TRAK2: variants seen among roughly 807,000 people sequenced by gnomAD.
TRAK2 encodes trafficking kinesin-binding protein 2.
Under a neutral mutation model 104.6 loss-of-function variants are expected in TRAK2, and 81 were observed. The ratio of observed to expected loss-of-function variants is 0.77; its 90% CI spans 0.65 to 0.93. The LOEUF (loss-of-function observed/expected upper bound fraction) is 0.93, where lower values mean the gene tolerates loss of function less well. Ranked by LOEUF, TRAK2 falls within the 40% of genes least tolerant of loss-of-function variation. TRAK2 has a pLI of 0.00. For missense variants in TRAK2, 1,002 were observed against 1,089.0 expected (o/e 0.92, Z 1.12); for synonymous variants, 406 against 394.4 (o/e 1.03, Z -0.35).
At chr2:201,414,660 A>C (rs987433949) in intron 2 of TRAK2, among the ~76,000 whole-genome samples, 3 of 152,188 alleles carry the variant, frequency 2.0e-5, no homozygotes, top group African/African-American at 7.2e-5. Flanking sequence ...ATCCTTACAG[A>C]TCTCTTAAAT....
intron 1 of TRAK2, among the ~76,000 whole-genome samples, chr2:201,436,621 G>A (rs1459101128): frequency 2.0e-5 from 3 of 152,180 alleles, no homozygotes; most frequent in Admixed American, 6.6e-5. Context: ...TCAAGAAGAG[G>A]TAGAAAATCT....
intron 1 of TRAK2, among the ~76,000 whole-genome samples, chr2:201,450,068 A>G (rs1952012514): frequency 6.6e-6 from 1 of 151,986 alleles, no homozygotes; most frequent in Non-Finnish European, 1.5e-5. Flanking sequence ...TGTCTTTCAC[A>G]TGGTATGTGC....
Position 201,380,339 on chromosome 2 carries a change from G to A in TRAK2, c.*204C>T, listed in dbSNP as rs919493037. ...TCTTTTCTCCCTCTGAACACTCATG[G>A]CCCATTCATTTATACTTTCAATTTG... On this transcript the variant is annotated 3_prime_UTR_variant, in exon 16 of 16. Coordinates refer to ENST00000332624, the MANE Select transcript of TRAK2 (RefSeq NM_015049.3). The A allele has an allele frequency of 3.3e-5, 20 of 608,976 alleles. No individual in the cohort carries two copies. The highest frequency in any genetic ancestry group is 5.8e-5 in the Non-Finnish European group (20 of 345,994). The allele number at this position is 608,976 out of a possible 1,614,324, so 37.7% of individuals were successfully genotyped here.
chr2:201,406,667 A>C (rs1349998492), intron 3 of TRAK2, among the ~76,000 whole-genome samples: 1 of 152,234 alleles, frequency 6.6e-6, no homozygotes, highest in Non-Finnish European at 1.5e-5. Flanking sequence ...TCAGTATTGA[A>C]CTCATAAGCT....
At chr2:201,406,380 C>T (rs1052246248) in intron 3 of TRAK2, among the ~76,000 whole-genome samples, 1 of 152,112 alleles carries the variant, frequency 6.6e-6, no homozygotes, top group Non-Finnish European at 1.5e-5. Context: ...CATTAAAACA[C>T]CACAACACTC....
chr2:201,430,956 C>T (rs1465319271), intron 1 of TRAK2, among the ~76,000 whole-genome samples: 2 of 152,216 alleles, frequency 1.3e-5, no homozygotes, highest in East Asian at 3.9e-4. Context: ...CATCTTGGAA[C>T]CCCTCCCTGT....
rs1322993767 is a variant in TRAK2, at chr2:201,393,053, G to T, written c.976-7C>A. 1 of 1,607,858 alleles carries T rather than the reference G, an allele frequency of 6.2e-7. No individual in the cohort carries two copies. The highest frequency in any genetic ancestry group is 1.3e-5 in the African/African-American group (1 of 74,816). On this transcript the variant is annotated splice_region_variant and splice_polypyrimidine_tract_variant and intron_variant, in intron 9 of 15. Coordinates refer to ENST00000332624, the MANE Select transcript of TRAK2 (RefSeq NM_015049.3). ...TGTCTTGTAACTCGTGCAGCTAAAAGAAAGGATGGTAGTGTACTTTATTGC... is the reference window on the plus strand; with the variant it reads ...TGTCTTGTAACTCGTGCAGCTAAAATAAAGGATGGTAGTGTACTTTATTGC...
chr2:201,414,536 G>A (rs1415596035), intron 2 of TRAK2, among the ~76,000 whole-genome samples: 3 of 152,172 alleles, frequency 2.0e-5, no homozygotes, highest in Non-Finnish European at 4.4e-5. Flanking sequence ...AAAGGAGGCT[G>A]GCAATATCAG....
intron 2 of TRAK2, among the ~76,000 whole-genome samples, chr2:201,408,221 ATGAG>A (rs1184659009): frequency 1.3e-5 from 2 of 152,300 alleles, no homozygotes; most frequent in East Asian, 1.9e-4. Flanking sequence ...CAGCTTCCAC[ATGAG>A]TGAGAACATG....
intron 1 of TRAK2, among the ~76,000 whole-genome samples, chr2:201,437,482 T>C (rs1951887530): frequency 6.6e-6 from 1 of 152,208 alleles, no homozygotes; most frequent in Non-Finnish European, 1.5e-5. Flanking sequence ...ATCATTACCA[T>C]AAATCCACCA....
Position 201,393,530 on chromosome 2 carries a change from C to T in TRAK2, c.976-484G>A, listed in dbSNP as rs185761338. ...CCTTGTTTCAGAACCTTCTTTACAA[C>T]TAGATATACACATCTGATAAAAGAG... is the stretch of plus-strand genomic sequence containing the variant. On this transcript the variant is annotated intron_variant, in intron 9 of 15. Coordinates refer to ENST00000332624, the MANE Select transcript of TRAK2 (RefSeq NM_015049.3). Among the ~76,000 whole-genome samples, 195 of 152,294 alleles carry T rather than the reference C, an allele frequency of 1.3e-3. 1 individual carries two copies. The highest frequency in any genetic ancestry group is 4.5e-3 in the African/African-American group (188 of 41,570).
intron 2 of TRAK2, among the ~76,000 whole-genome samples, chr2:201,416,590 AATTT>A (rs912502754): frequency 3.9e-5 from 6 of 152,134 alleles, no homozygotes; most frequent in African/African-American, 1.2e-4. Flanking sequence ...TTATTTTCAT[AATTT>A]ATTTAATTCA....
At chr2:201,394,348 T>TC (rs1218668511) in intron 9 of TRAK2, among the ~76,000 whole-genome samples, 4 of 60,660 alleles carry the variant, frequency 6.6e-5, no homozygotes, top group Admixed American at 2.0e-4. Context: ...TTTTTCTTTC[T>TC]TTTTTTTTTT....
chr2:201,390,299 C>T (rs1368662132), intron 10 of TRAK2, among the ~76,000 whole-genome samples: 4 of 150,782 alleles, frequency 2.7e-5, no homozygotes, highest in Non-Finnish European at 5.9e-5. Context: ...AATCCCAGCA[C>T]TTTGGGAGGC....
In TRAK2 at chr2:201,386,516, C is replaced by T. The variant is rs374798326; in HGVS notation, c.1697-32G>A. On this transcript the variant is annotated intron_variant, in intron 13 of 15. Transcript: ENST00000332624. ...ATGCAAAACAAAGGAAGGGGAAAGGCATGTTTTACATTTCCCACAAATCTT... is the reference window on the plus strand; with the variant it reads ...ATGCAAAACAAAGGAAGGGGAAAGGTATGTTTTACATTTCCCACAAATCTT... 12 of 1,604,070 alleles carry T rather than the reference C, an allele frequency of 7.5e-6. No individual in the cohort carries two copies. The African/African-American group carries it at 1.3e-4, about 18-fold the overall frequency.
chr2:201,389,417 A>G lies in TRAK2; in HGVS notation c.1280T>C (p.Ile427Thr), dbSNP rs1951423487. Reference protein sequence around the residue: ...RSISFPALLPIPGSNRSSVIM... With the variant: ...RSISFPALLPTPGSNRSSVIM... ...GACACTTGAACGGTTGGAGCCTGGAATGGGTAACAGAGCTGGGAATGAGAT... is the reference window on the plus strand; with the variant it reads ...GACACTTGAACGGTTGGAGCCTGGAGTGGGTAACAGAGCTGGGAATGAGAT... Residue 427 changes from isoleucine to threonine, a missense_variant, in exon 12 of 16, where the codon ATT becomes ACT. Coordinates refer to ENST00000332624, the MANE Select transcript of TRAK2 (RefSeq NM_015049.3). The G allele has an allele frequency of 6.2e-7, 1 of 1,614,014 alleles. No individual in the cohort carries two copies. Among genetic ancestry groups the G allele is most frequent in the Non-Finnish European group, 8.5e-7 (1 of 1,180,030 alleles).
intron 11 of TRAK2, 30 bp downstream of exon 11, chr2:201,389,771 T>A: frequency 6.5e-7 from 1 of 1,545,598 alleles, no homozygotes; most frequent in Non-Finnish European, 8.8e-7. Context: ...TTCCAATGAT[T>A]GAGTAACAAC....
In TRAK2 at chr2:201,380,857, A is replaced by C; in HGVS notation, c.2431T>G (p.Phe811Val). 1 of 1,614,088 alleles carries C rather than the reference A, an allele frequency of 6.2e-7. No homozygotes were observed. Residue 811 changes from phenylalanine to valine, a missense_variant, in exon 16 of 16, where the codon TTC (phenylalanine) becomes GTC (valine). By Grantham distance (50) the Phe-to-Val change is conservative. Coordinates refer to ENST00000332624, the MANE Select transcript of TRAK2 (RefSeq NM_015049.3). ...NFLASRPAET[F>V]LQEMYGLRPS... The stretch of plus-strand genomic sequence containing the variant: ...CTCAAGCCATACATCTCCTGGAGGA[A>C]TGTCTCAGCTGGTCGAGAGGCCAAA...
chr2:201,416,935 C>G (rs1422815252), intron 2 of TRAK2, among the ~76,000 whole-genome samples: 2 of 151,814 alleles, frequency 1.3e-5, no homozygotes, highest in Non-Finnish European at 2.9e-5. Flanking sequence ...ACAGTAGACT[C>G]AACTAAAGTG....
Sources: gnomAD v4.1 joint callset for allele counts (sites outside exome capture counted in the v4.1 genomes callset) on GRCh38, gnomAD v4.1.1 for gene constraint, MANE v1.5 for transcripts, NCBI Gene and HGNC (gene_info 2026-07-23, HGNC 2026-07-21) for gene names.